The following MORC1 variants were observed in gnomAD, a reference collection of about 807,000 sequenced individuals.
The protein encoded by MORC1 is MORC family CW-type zinc finger 1.
Under a neutral mutation model 134.9 loss-of-function variants are expected in MORC1, and 59 were observed. The observed-to-expected ratio is 0.44, with a 90% confidence interval of 0.35 to 0.54. The LOEUF is 0.54. Among genes scored for constraint, MORC1 ranks in the 20% least tolerant of loss-of-function variants. The pLI is 0.00. For synonymous variants in MORC1, 395 were observed against 391.7 expected (o/e 1.01, Z -0.10); for missense variants, 947 against 1,134.5 (o/e 0.83, Z 2.37).
chr3:109,052,689 A>G (rs1949856410), intron 14 of MORC1, among the ~76,000 whole-genome samples: 1 of 152,226 alleles, frequency 6.6e-6, no homozygotes, highest in South Asian at 2.1e-4. Context: ...GAAGATTTTA[A>G]GTTGACTCAA....
At chr3:109,105,569 C>T (rs1371526608) in intron 3 of MORC1, among the ~76,000 whole-genome samples, 2 of 151,412 alleles carry the variant, frequency 1.3e-5, no homozygotes, top group African/African-American at 4.9e-5. Context: ...GACTTGGCCA[C>T]TTGGGAGGCT....
intron 16 of MORC1, among the ~76,000 whole-genome samples, chr3:109,032,385 C>T (rs950868618): frequency 1.3e-4 from 20 of 151,844 alleles, no homozygotes; most frequent in Admixed American, 1.1e-3. Context: ...GAGACACTCT[C>T]TGAGTAACAC....
chr3:108,965,159 C>T (rs1947184654), intron 26 of MORC1, among the ~76,000 whole-genome samples: 1 of 152,178 alleles, frequency 6.6e-6, no homozygotes, highest in Admixed American at 6.6e-5. Flanking sequence ...GTTTTCAGAA[C>T]TCCAGAATTT....
At chr3:109,085,993 G>C (rs915299603) in intron 8 of MORC1, among the ~76,000 whole-genome samples, 1 of 152,082 alleles carries the variant, frequency 6.6e-6, no homozygotes, top group African/African-American at 2.4e-5. Flanking sequence ...GCCAAGCACA[G>C]AATGACTAAT....
chr3:109,090,168 C>T (rs1559946026), intron 8 of MORC1, among the ~76,000 whole-genome samples: 1 of 152,018 alleles, frequency 6.6e-6, no homozygotes, highest in African/African-American at 2.4e-5. Flanking sequence ...TGCCAAACCA[C>T]AGGCCACCAC....
At chr3:108,992,337 C>CTT (rs1948087246) in intron 21 of MORC1, among the ~76,000 whole-genome samples, 1 of 152,178 alleles carries the variant, frequency 6.6e-6, no homozygotes, top group Admixed American at 6.5e-5. Context: ...GTATCCACAA[C>CTT]TTTTAAAGAC....
At chr3:109,040,008 G>A (rs1393945559) in intron 14 of MORC1, among the ~76,000 whole-genome samples, 1 of 151,920 alleles carries the variant, frequency 6.6e-6, no homozygotes, top group Non-Finnish European at 1.5e-5. Context: ...ACGTGTCCAG[G>A]CAAAGGCACA....
intron 3 of MORC1, among the ~76,000 whole-genome samples, chr3:109,105,945 T>C (rs1036102809): frequency 6.6e-6 from 1 of 152,126 alleles, no homozygotes; most frequent in Admixed American, 6.5e-5. Flanking sequence ...GTCAGGACAT[T>C]CCTCCTCTCC....
At chr3:108,968,395 T>G (rs1947276570) in intron 26 of MORC1, among the ~76,000 whole-genome samples, 1 of 152,234 alleles carries the variant, frequency 6.6e-6, no homozygotes, top group Non-Finnish European at 1.5e-5. Context: ...AGGCCCAGTC[T>G]GAACTTTAAA....
At position 109,094,846 on chromosome 3, in the gene MORC1, G is replaced by A. The variant is rs1311756194; in HGVS notation, c.583+63C>T. ...AAAAAAATGAAAACATATGTACAGT[G>A]TCTTTGATAAGACACTGAAAACAAA... is the stretch of plus-strand genomic sequence containing the variant. On this transcript the variant is annotated intron_variant, in intron 7 of 27. Coordinates refer to ENST00000232603, the MANE Select transcript of MORC1 (RefSeq NM_014429.4). 7.7e-6 allele frequency: 11 copies of A among 1,436,030 alleles called. No individual in the cohort carries two copies. The African/African-American group carries it at 1.0e-4, about 13-fold the overall frequency. The allele number at this position is 1,436,030 out of a possible 1,614,324, so 89.0% of individuals were successfully genotyped here. A position where few individuals can be genotyped will look rare whatever the true frequency, so the allele number is the denominator to read the frequency against.
intron 21 of MORC1, among the ~76,000 whole-genome samples, chr3:108,996,903 G>A (rs752573107): frequency 3.3e-5 from 5 of 151,052 alleles, no homozygotes; most frequent in African/African-American, 4.9e-5. Flanking sequence ...CCAGTTACTC[G>A]TGAGGCTGAG....
chr3:109,038,300 G>A, intron 14 of MORC1, among the ~76,000 whole-genome samples: 1 of 107,804 alleles, frequency 9.3e-6, no homozygotes, highest in South Asian at 3.1e-4. Flanking sequence ...TTTTTTTTTT[G>A]TAAATTTGTT....
At chr3:109,034,470 C>T (rs1327639423) in intron 15 of MORC1, among the ~76,000 whole-genome samples, 1 of 152,080 alleles carries the variant, frequency 6.6e-6, no homozygotes, top group African/African-American at 2.4e-5. Flanking sequence ...AATTCCAATA[C>T]CTCCTGCTTG....
At chr3:109,047,858 G>C (rs1486234645) in intron 14 of MORC1, among the ~76,000 whole-genome samples, 1 of 152,242 alleles carries the variant, frequency 6.6e-6, no homozygotes, top group South Asian at 2.1e-4. Context: ...AGCTGATGAA[G>C]AAAACATAAT....
At chr3:109,040,407 G>GAAAGAAAGAAAGAAAGA (rs58166584) in intron 14 of MORC1, among the ~76,000 whole-genome samples, 1 of 26,274 alleles carries the variant, frequency 3.8e-5, no homozygotes, top group Non-Finnish European at 8.1e-5. Flanking sequence ...AGAAAGAGAA[G>GAAAGAAAGAAAGAAAGA]GAAGGAAGGA....
At position 108,984,750 on chromosome 3, in the gene MORC1, T is replaced by C. The variant is rs368973330; in HGVS notation, c.2290A>G (p.Met764Val). Residue 764 changes from methionine to valine, a missense_variant, in exon 23 of 28, where the codon ATG becomes GTG. Physicochemically the swap from Met to Val is conservative, Grantham distance 21. Transcript: ENST00000232603. ...CTAGGTAATGAAGAGCTTCTTTTCA[T>C]TGCTAGAACATCATTGCACAGCTCC... is the stretch of plus-strand genomic sequence containing the variant. Reference protein sequence around the residue: ...KQELCNDVLAMKRSSSLPSWK... With the variant: ...KQELCNDVLAVKRSSSLPSWK... 3.7e-6 allele frequency: 6 copies of C among 1,609,752 alleles called. No individual in the cohort carries two copies. In the Middle Eastern group the frequency reaches 6.6e-4, roughly 178 times the overall value.
intron 24 of MORC1, among the ~76,000 whole-genome samples, 156 bp downstream of exon 24, chr3:108,979,359 A>G (rs970291218): frequency 6.6e-6 from 1 of 152,262 alleles, no homozygotes; most frequent in Non-Finnish European, 1.5e-5. Context: ...TTTAACCCAT[A>G]GTATATCTAA....
intron 3 of MORC1, among the ~76,000 whole-genome samples, chr3:109,107,192 A>G (rs1168456330): frequency 6.6e-6 from 1 of 152,176 alleles, no homozygotes; most frequent in African/African-American, 2.4e-5. Flanking sequence ...GACTTCTTTT[A>G]GGAAGCCTTT....
At chr3:109,059,273 G>A (rs1041021969) in intron 12 of MORC1, among the ~76,000 whole-genome samples, 1 of 152,080 alleles carries the variant, frequency 6.6e-6, no homozygotes. Context: ...CAGCATTTGA[G>A]TTGGAGAGCA....
Sources: gnomAD v4.1 joint callset for allele counts (sites outside exome capture counted in the v4.1 genomes callset) on GRCh38, gnomAD v4.1.1 for gene constraint, MANE v1.5 for transcripts, NCBI Gene and HGNC (gene_info 2026-07-23, HGNC 2026-07-21) for gene names.